Variants in LRP1B observed in about 807,000 individuals in gnomAD.
LRP1B encodes low-density lipoprotein receptor-related protein 1B.
A neutral mutation model predicts 556.6 loss-of-function variants in LRP1B; 217 were observed. The ratio of observed to expected loss-of-function variants is 0.39; its 90% CI spans 0.35 to 0.44. LRP1B has a LOEUF of 0.44. Among genes scored for constraint, LRP1B ranks in the 20% least tolerant of loss-of-function variants. LRP1B has a pLI of 1.00. For missense variants in LRP1B, 5,053 were observed against 5,620.8 expected (o/e 0.90, Z 3.23); for synonymous variants, 2,047 against 1,865.8 (o/e 1.10, Z -2.50).
chr2:141,923,996 G>T (rs1430261840), intron 1 of LRP1B, among the ~76,000 whole-genome samples: 1 of 151,980 alleles, frequency 6.6e-6, no homozygotes, highest in African/African-American at 2.4e-5. Context: ...AGGAGACAGG[G>T]AAATACTGGG....
intron 1 of LRP1B, among the ~76,000 whole-genome samples, chr2:142,038,792 A>G (rs981460335): frequency 1.3e-5 from 2 of 151,598 alleles, no homozygotes; most frequent in Non-Finnish European, 3.0e-5. Flanking sequence ...TTTCCTCTCC[A>G]TCTTTCACTT....
intron 15 of LRP1B, among the ~76,000 whole-genome samples, chr2:141,000,525 C>T (rs1287927628): frequency 6.6e-6 from 1 of 151,978 alleles, no homozygotes; most frequent in Non-Finnish European, 1.5e-5. Context: ...GGTGGAGATG[C>T]CACAGGCTTC....
chr2:140,830,677 C>A (rs1197881517), intron 31 of LRP1B, among the ~76,000 whole-genome samples: 1 of 152,022 alleles, frequency 6.6e-6, no homozygotes, highest in Non-Finnish European at 1.5e-5. Context: ...AGAGCTTTTC[C>A]TCTAAGTTCT....
chr2:141,712,166 C>A (rs927440673), intron 2 of LRP1B, among the ~76,000 whole-genome samples: 2 of 152,058 alleles, frequency 1.3e-5, no homozygotes, highest in African/African-American at 4.8e-5. Context: ...AATTAACTTT[C>A]CCAATTTGGG....
At chr2:142,070,340 C>A (rs548581047) in intron 1 of LRP1B, among the ~76,000 whole-genome samples, 2 of 151,898 alleles carry the variant, frequency 1.3e-5, no homozygotes, top group South Asian at 4.1e-4. Context: ...GCAGTTTATC[C>A]ACATTTTATA....
intron 11 of LRP1B, among the ~76,000 whole-genome samples, chr2:141,021,026 A>G (rs1698049949): frequency 6.6e-6 from 1 of 152,012 alleles, no homozygotes; most frequent in African/African-American, 2.4e-5. Context: ...CTGTTGCATG[A>G]AAAATGGCTG....
At chr2:140,483,597 G>GACACACACACACACAC (rs1226188096) in intron 59 of LRP1B, among the ~76,000 whole-genome samples, 2 of 118,502 alleles carry the variant, frequency 1.7e-5, no homozygotes, top group African/African-American at 6.7e-5. Context: ...CATATATATA[G>GACACACACACACACAC]ACACACACAC....
intron 1 of LRP1B, among the ~76,000 whole-genome samples, chr2:142,100,089 A>T (rs1206588954): frequency 1.3e-5 from 2 of 151,966 alleles, no homozygotes; most frequent in African/African-American, 4.8e-5. Flanking sequence ...CTACATTTAT[A>T]AACATTCATT....
intron 3 of LRP1B, among the ~76,000 whole-genome samples, chr2:141,387,784 GGAAGGA>G (rs1689884687): frequency 6.6e-6 from 1 of 152,078 alleles, no homozygotes; most frequent in Non-Finnish European, 1.5e-5. Context: ...ATATAAAAGA[GGAAGGA>G]ACATTATCTA....
intron 7 of LRP1B, among the ~76,000 whole-genome samples, chr2:141,164,055 T>G (rs747839905): frequency 1.3e-5 from 2 of 152,054 alleles, no homozygotes; most frequent in Non-Finnish European, 2.9e-5. Flanking sequence ...AATATTGAAT[T>G]CAATTCTGGT....
intron 3 of LRP1B, among the ~76,000 whole-genome samples, chr2:141,440,921 A>G (rs1023245981): frequency 6.6e-6 from 1 of 152,150 alleles, no homozygotes; most frequent in African/African-American, 2.4e-5. Context: ...CACTGAAGGA[A>G]CAGCAGTGCC....
At chr2:140,545,803 A>G (rs1220159599) in intron 43 of LRP1B, among the ~76,000 whole-genome samples, 1 of 152,112 alleles carries the variant, frequency 6.6e-6, no homozygotes, top group East Asian at 1.9e-4. Context: ...AAGAATTTCA[A>G]TGGTAGTTTA....
chr2:140,309,992 A>G (rs1175523426), intron 83 of LRP1B, among the ~76,000 whole-genome samples: 1 of 151,780 alleles, frequency 6.6e-6, no homozygotes, highest in African/African-American at 2.4e-5. Context: ...GTCAAAGGGC[A>G]TTGACAACTT....
intron 87 of LRP1B, among the ~76,000 whole-genome samples, chr2:140,244,663 T>C (rs1681080272): frequency 6.6e-6 from 1 of 151,190 alleles, no homozygotes; most frequent in South Asian, 2.1e-4. Flanking sequence ...ACTTTAAACA[T>C]CAAAAGCCGG....
intron 3 of LRP1B, among the ~76,000 whole-genome samples, chr2:141,350,739 T>A (rs1005441227): frequency 6.6e-6 from 1 of 152,056 alleles, no homozygotes; most frequent in Non-Finnish European, 1.5e-5. Context: ...CAGGTAATCA[T>A]GGAAAAGCCA....
intron 17 of LRP1B, among the ~76,000 whole-genome samples, chr2:140,987,316 T>C (rs1327836937): frequency 6.6e-6 from 1 of 152,176 alleles, no homozygotes; most frequent in Non-Finnish European, 1.5e-5. Flanking sequence ...AGTTATGTTC[T>C]ATTTCCTAGT....
chr2:140,333,344 C>T (rs887174616), intron 79 of LRP1B, among the ~76,000 whole-genome samples: 3 of 152,008 alleles, frequency 2.0e-5, no homozygotes, highest in Non-Finnish European at 4.4e-5. Flanking sequence ...TATATAAATA[C>T]ATATTCTATC....
intron 1 of LRP1B, among the ~76,000 whole-genome samples, chr2:141,823,601 G>A (rs1696826842): frequency 6.6e-6 from 1 of 152,152 alleles, no homozygotes; most frequent in Non-Finnish European, 1.5e-5. Flanking sequence ...ATCACAAAGG[G>A]AAACATGGCA....
chr2:141,412,117 C>T (rs1264050877), intron 3 of LRP1B, among the ~76,000 whole-genome samples: 1 of 152,070 alleles, frequency 6.6e-6, no homozygotes, highest in Non-Finnish European at 1.5e-5. Flanking sequence ...CCACAACAGG[C>T]AACTATTTAG....
Sources: allele counts gnomAD v4.1 joint callset (sites outside exome capture counted in the v4.1 genomes callset), GRCh38; gene constraint gnomAD v4.1.1; transcripts MANE v1.5; gene names NCBI Gene and HGNC (gene_info 2026-07-23, HGNC 2026-07-21).